Variants in NBEA observed in about 807,000 individuals in gnomAD.
NBEA encodes neurobeachin.
In NBEA, 44 loss-of-function variants were observed where a neutral mutation model predicts 343.4. That is an observed-to-expected ratio of 0.13 (90% CI 0.10 to 0.16). NBEA has a LOEUF of 0.16. Among genes scored for constraint, NBEA ranks in the 10% least tolerant of loss-of-function variants. The probability of loss-of-function intolerance (pLI) is 1.00; values close to 1 mark genes in which losing one functional copy is unlikely to be tolerated. For synonymous variants in NBEA, 1,175 were observed against 1,238.7 expected (o/e 0.95, Z 1.08); for missense variants, 2,555 against 3,631.3 (o/e 0.70, Z 7.62).
Position 34,982,774 on chromosome 13 carries a change from C to G in NBEA, c.294+39660C>G, listed in dbSNP as rs538464896. ...GATTATTGGTTGTAATGTTTCTAAG[C>G]TCTCAATTAAGTCAAGTTAATTATA... is the stretch of plus-strand genomic sequence containing the variant. On this transcript the variant is annotated intron_variant, in intron 1 of 58. Transcript: ENST00000379939. Among the ~76,000 whole-genome samples the G allele has an allele frequency of 1.3e-4, 20 of 152,236 alleles. No individual in the cohort carries two copies. In the East Asian group the frequency reaches 3.7e-3, roughly 28 times the overall value.
At chr13:35,167,039 TTATATA>T (rs1292495467) in intron 24 of NBEA, among the ~76,000 whole-genome samples, 16 of 151,840 alleles carry the variant, frequency 1.1e-4, no homozygotes, top group African/African-American at 3.4e-4. Context: ...GTAATTTTGT[TTATATA>T]TATATAGTTT....
intron 13 of NBEA, among the ~76,000 whole-genome samples, chr13:35,115,210 T>C (rs1334844089): frequency 6.6e-6 from 1 of 152,162 alleles, no homozygotes; most frequent in Non-Finnish European, 1.5e-5. Flanking sequence ...CTGCTTTTTC[T>C]CTGCTCATAC....
At chr13:35,322,772 A>G (rs1351804582) in intron 36 of NBEA, among the ~76,000 whole-genome samples, 1 of 152,188 alleles carries the variant, frequency 6.6e-6, no homozygotes, top group Non-Finnish European at 1.5e-5. Flanking sequence ...ATCTAAAACT[A>G]AAGTCCCATT....
chr13:35,136,172 A>G (rs2067716292), intron 17 of NBEA, among the ~76,000 whole-genome samples: 1 of 152,136 alleles, frequency 6.6e-6, no homozygotes, highest in Non-Finnish European at 1.5e-5. Context: ...AAGAACCCAG[A>G]GATTCTGGAG....
At chr13:35,539,750 A>C (rs1227801818) in intron 41 of NBEA, among the ~76,000 whole-genome samples, 2 of 151,220 alleles carry the variant, frequency 1.3e-5, no homozygotes, top group South Asian at 2.1e-4. Flanking sequence ...CCCCGTCTCT[A>C]CTAAAAATAC....
chr13:35,116,086 A>G (rs1485204707), intron 13 of NBEA, among the ~76,000 whole-genome samples: 1 of 152,220 alleles, frequency 6.6e-6, no homozygotes, highest in Non-Finnish European at 1.5e-5. Context: ...CATGCAGGGC[A>G]GGATGGGACC....
chr13:35,034,862 G>T (rs2062380441), intron 1 of NBEA, among the ~76,000 whole-genome samples: 1 of 151,816 alleles, frequency 6.6e-6, no homozygotes, highest in South Asian at 2.1e-4. Flanking sequence ...AATTTTTGTA[G>T]TATCAGTTGT....
In NBEA at chr13:35,125,943, C is replaced by T. The variant is rs143997934; in HGVS notation, c.2336+2369C>T. On this transcript the variant is annotated intron_variant, in intron 17 of 58. Coordinates refer to ENST00000379939, the MANE Select transcript of NBEA (RefSeq NM_001385012.1). ...GCTTACGCAGGAGGATTGCTTGAGCCCAGGAGTTTGAGTCCAGCCTGGGCA... is the reference window on the plus strand; with the variant it reads ...GCTTACGCAGGAGGATTGCTTGAGCTCAGGAGTTTGAGTCCAGCCTGGGCA... 1.9e-3 allele frequency among the ~76,000 whole-genome samples: 294 copies of T among 152,044 alleles called. 1 individual carries two copies. Among genetic ancestry groups the T allele is most frequent in the Non-Finnish European group, 3.6e-3 (248 of 67,988 alleles).
intron 58 of NBEA, among the ~76,000 whole-genome samples, chr13:35,669,666 G>A (rs2085514182): frequency 6.6e-6 from 1 of 152,156 alleles, no homozygotes; most frequent in South Asian, 2.1e-4. Flanking sequence ...AATGATTTGT[G>A]TTTGTAAGCA....
intron 43 of NBEA, among the ~76,000 whole-genome samples, chr13:35,552,851 T>A (rs2079399017): frequency 6.6e-6 from 1 of 152,174 alleles, no homozygotes; most frequent in South Asian, 2.1e-4. Flanking sequence ...ATTGTTTCCC[T>A]TTTAACCACA....
At chr13:35,235,437 A>C (rs899028175) in intron 34 of NBEA, among the ~76,000 whole-genome samples, 1 of 152,124 alleles carries the variant, frequency 6.6e-6, no homozygotes, top group Non-Finnish European at 1.5e-5. Flanking sequence ...GAAATGTATA[A>C]ATACTGACCA....
chr13:35,481,470 G>A (rs938585815), intron 41 of NBEA, among the ~76,000 whole-genome samples: 4 of 151,690 alleles, frequency 2.6e-5, no homozygotes, highest in African/African-American at 7.3e-5. Flanking sequence ...AAAAAAATGG[G>A]GAAAGGGAGG....
chr13:34,994,032 T>A (rs2060851288), intron 1 of NBEA, among the ~76,000 whole-genome samples: 1 of 151,570 alleles, frequency 6.6e-6, no homozygotes. Context: ...ACCCCGTCTC[T>A]ACTAAAAATA....
At chr13:35,166,329 C>A (rs1209478462) in intron 24 of NBEA, among the ~76,000 whole-genome samples, 1 of 152,034 alleles carries the variant, frequency 6.6e-6, no homozygotes, top group African/African-American at 2.4e-5. Context: ...TAAACTATAA[C>A]ATACATACTA....
At chr13:35,387,190 C>T (rs2042281193) in intron 38 of NBEA, among the ~76,000 whole-genome samples, 1 of 151,952 alleles carries the variant, frequency 6.6e-6, no homozygotes, top group Admixed American at 6.6e-5. Flanking sequence ...ATTCTACCTC[C>T]CTAACTAGAA....
intron 31 of NBEA, among the ~76,000 whole-genome samples, chr13:35,202,615 A>G (rs548970783): frequency 3.0e-4 from 46 of 152,226 alleles, no homozygotes; most frequent in African/African-American, 8.2e-4. Flanking sequence ...CCCTATCCTT[A>G]TACCACTTTT....
At position 35,161,845 on chromosome 13, in the gene NBEA, G is replaced by A. The variant is rs767670033; in HGVS notation, c.3957G>A (p.Gln1319=). ...CAATGACTGAGGAACAGCGACGCCAGTTTAGCCCAGGTCCACGGACTACAA... is the reference window on the plus strand; with the variant it reads ...CAATGACTGAGGAACAGCGACGCCAATTTAGCCCAGGTCCACGGACTACAA... ...GMPMTEEQRR[Q]FSPGPRTTMF... is the part of the protein sequence containing the mutation. The change falls in exon 23 of 59, where the codon CAG becomes CAA. Residue 1319 remains glutamine, a synonymous_variant. Transcript: ENST00000379939. 5.0e-6 allele frequency: 8 copies of A among 1,610,910 alleles called. No homozygotes were observed. The South Asian group carries it at 5.5e-5, about 11-fold the overall frequency.
At chr13:35,131,815 A>T (rs2067445304) in intron 17 of NBEA, among the ~76,000 whole-genome samples, 1 of 152,242 alleles carries the variant, frequency 6.6e-6, no homozygotes, top group South Asian at 2.1e-4. Context: ...AAAACTAATA[A>T]ATCAAACAGA....
chr13:35,402,936 T>C lies in NBEA; in HGVS notation c.6180-29333T>C, dbSNP rs543641463. Among the ~76,000 whole-genome samples the C allele has an allele frequency of 4.7e-4, 71 of 152,178 alleles. 1 individual carries two copies. The highest frequency in any genetic ancestry group is 4.4e-3 in the Admixed American group (67 of 15,246). On this transcript the variant is annotated intron_variant, in intron 38 of 58. Coordinates refer to ENST00000379939, the MANE Select transcript of NBEA (RefSeq NM_001385012.1). ...TCCCTCCTACAAAAGAACAATAAGCTTCTTAAAAAGTGATGCTTTTAGTTC... is the reference window on the plus strand; with the variant it reads ...TCCCTCCTACAAAAGAACAATAAGCCTCTTAAAAAGTGATGCTTTTAGTTC...
Sources: allele counts gnomAD v4.1 joint callset (sites outside exome capture counted in the v4.1 genomes callset), GRCh38; gene constraint gnomAD v4.1.1; transcripts MANE v1.5; gene names NCBI Gene and HGNC (gene_info 2026-07-23, HGNC 2026-07-21).